PTCD2: variants seen among roughly 807,000 people sequenced by gnomAD.
PTCD2 encodes the protein pentatricopeptide repeat-containing protein 2, mitochondrial.
PTCD2 carries 31 observed loss-of-function variants against 42.6 expected under a neutral mutation model. That is an observed-to-expected ratio of 0.73 (90% CI 0.55 to 0.98). The LOEUF (loss-of-function observed/expected upper bound fraction) is 0.98, where lower values mean the gene tolerates loss of function less well. PTCD2 is among the 50% of genes least tolerant of loss of function. The probability of loss-of-function intolerance (pLI) is 0.00; values close to 1 mark genes in which losing one functional copy is unlikely to be tolerated. For missense variants in PTCD2, 476 were observed against 454.8 expected (o/e 1.05, Z -0.42); for synonymous variants, 183 against 170.9 (o/e 1.07, Z -0.55).
intron 4 of PTCD2, among the ~76,000 whole-genome samples, chr5:72,334,072 T>C (rs893336749): frequency 3.3e-5 from 5 of 152,188 alleles, no homozygotes; most frequent in African/African-American, 1.2e-4. Flanking sequence ...TCTTGCTGTA[T>C]TGCCCAGGCT....
intron 7 of PTCD2, among the ~76,000 whole-genome samples, chr5:72,338,953 A>T (rs376063742): frequency 1.2e-3 from 178 of 152,344 alleles, no homozygotes; most frequent in African/African-American, 4.1e-3. Context: ...ATTTCTAAAT[A>T]GAAGGGTAGA....
intron 3 of PTCD2, 71 bp from the exon 4 acceptor site, chr5:72,331,187 C>G: frequency 1.0e-6 from 1 of 961,906 alleles, no homozygotes; most frequent in Non-Finnish European, 1.7e-6. Flanking sequence ...GGCACAGTAC[C>G]TGCCATAGTC....
chr5:72,320,673 G>C, intron 1 of PTCD2, 164 bp downstream of exon 1: 2 of 904,676 alleles, frequency 2.2e-6, no homozygotes, highest in Non-Finnish European at 3.3e-6. Flanking sequence ...GTGACCACTG[G>C]GGGTCGTGGA....
chr5:72,349,384 G>A lies in PTCD2; in HGVS notation c.829-3257G>A, dbSNP rs73761766. 9.0e-3 allele frequency among the ~76,000 whole-genome samples: 1,376 copies of A among 152,230 alleles called. 33 individuals are homozygous for A. Among genetic ancestry groups the A allele is most frequent in the African/African-American group, 0.032 (1,320 of 41,540 alleles). On this transcript the variant is annotated intron_variant, in intron 8 of 9. Coordinates refer to ENST00000380639, the MANE Select transcript of PTCD2 (RefSeq NM_024754.5). ...TACTGAGAAATGGTCTTTGAGTTTC[G>A]TACATACATGAAAGTGTCTATTAAG...
intron 8 of PTCD2, among the ~76,000 whole-genome samples, chr5:72,346,787 T>G (rs1451903669): frequency 6.6e-6 from 1 of 152,186 alleles, no homozygotes; most frequent in Non-Finnish European, 1.5e-5. Context: ...TCTATCATGA[T>G]GGGACAGAAT....
chr5:72,326,394 C>T (rs543071482), intron 2 of PTCD2, among the ~76,000 whole-genome samples: 1 of 152,304 alleles, frequency 6.6e-6, no homozygotes, highest in African/African-American at 2.4e-5. Context: ...CTTGAGTGGG[C>T]CTGGCCCTGT....
chr5:72,352,880 C>T (rs1434317877), intron 9 of PTCD2, 126 bp downstream of exon 9: 2 of 573,038 alleles, frequency 3.5e-6, no homozygotes, highest in South Asian at 2.5e-5. Context: ...CTCTGTTGTT[C>T]CTGTTTTAAG....
intron 7 of PTCD2, among the ~76,000 whole-genome samples, chr5:72,341,347 T>A (rs1028867412): frequency 6.6e-6 from 1 of 152,142 alleles, no homozygotes; most frequent in Non-Finnish European, 1.5e-5. Flanking sequence ...CCAGTTATTT[T>A]CTTAATTTTG....
At position 72,335,869 on chromosome 5, in the gene PTCD2, C is replaced by T. The variant is rs144354866; in HGVS notation, c.623C>T (p.Ala208Val). 5.0e-6 allele frequency: 8 copies of T among 1,609,094 alleles called. No individual in the cohort carries two copies. Among genetic ancestry groups the T allele is most frequent in the African/African-American group, 4.0e-5 (3 of 74,824 alleles). ...FTKDTYVLAF[A>V]ICYKLNSPES... ...AAAGATACCTATGTTCTTGCTTTTG[C>T]AATTTGCTACAAACTGGTAAGACTC... Residue 208 changes from alanine (A) to valine (V), a missense_variant, in exon 6 of 10, where the codon GCA becomes GTA. Ala to Val is a moderately conservative substitution (Grantham distance 64, BLOSUM62 0). Transcript: ENST00000380639.
At chr5:72,340,974 T>C (rs1752024842) in intron 7 of PTCD2, among the ~76,000 whole-genome samples, 1 of 151,330 alleles carries the variant, frequency 6.6e-6, no homozygotes, top group South Asian at 2.1e-4. Flanking sequence ...TTTCTGTTTT[T>C]TTTTTTTTGA....
rs1010930124 is a variant in PTCD2, at chr5:72,367,970, T to C, written c.*9543T>C. On this transcript the variant is annotated 3_prime_UTR_variant, in exon 10 of 10. Transcript: ENST00000380639. ...ACCCCTTTCATTCCACAGCCTGTGA[T>C]ACACCCTTAGAGTCAAAATATCAAA... is the stretch of plus-strand genomic sequence containing the variant. The C allele has an allele frequency of 1.3e-5, 2 of 152,364 alleles. No individual in the cohort carries two copies. The highest frequency in any genetic ancestry group is 1.9e-4 in the East Asian group (1 of 5,190). The allele number at this position is 152,364 out of a possible 1,614,324, so 9.4% of individuals were successfully genotyped here. A position where few individuals can be genotyped will look rare whatever the true frequency, so the allele number is the denominator to read the frequency against.
chr5:72,322,259 C>G lies in PTCD2; in HGVS notation c.215C>G (p.Thr72Ser). Reference sequence around the variant, plus strand: ...GCTGTTGCATGTAATCTTTCTGGCACTAAAGGTAATAGAATCTATTTTGTT... The same window carrying G: ...GCTGTTGCATGTAATCTTTCTGGCAGTAAAGGTAATAGAATCTATTTTGTT... The part of the protein sequence containing the change: ...KVAVACNLSG[T>S]KETYFRNLKK... Residue 72 changes from threonine (T) to serine (S), a missense_variant, in exon 2 of 10, where the codon ACT (threonine) becomes AGT (serine). Thr to Ser is a moderately conservative substitution (Grantham distance 58). Transcript: ENST00000380639. 6.4e-7 allele frequency: 1 copy of G among 1,560,970 alleles called. No individual in the cohort carries two copies. Among genetic ancestry groups the G allele is most frequent in the Non-Finnish European group, 8.8e-7 (1 of 1,132,558 alleles).
chr5:72,338,786 T>A, intron 7 of PTCD2, 51 bp downstream of exon 7: 2 of 997,740 alleles, frequency 2.0e-6, no homozygotes, highest in Non-Finnish European at 3.1e-6. Context: ...AGGACTTCAT[T>A]ACTTTTATTC....
rs1750742592 is a variant in PTCD2, at chr5:72,320,401, G to C, written c.19G>C (p.Ala7Pro). Reference protein sequence around the residue: MVRDSMAAAFRPSNRVL... With the variant: MVRDSMPAAFRPSNRVL... ...AGTTGGTATGGTCCGAGACAGTATG[G>C]CTGCTGCATTTCGGCCCTCGAATCG... is the stretch of plus-strand genomic sequence containing the variant. The change falls in exon 1 of 10, where the codon GCT becomes CCT. Residue 7 changes from alanine (A) to proline (P), a missense_variant. By Grantham distance (27) the Ala-to-Pro change is conservative. Transcript: ENST00000380639. 6.2e-7 allele frequency: 1 copy of C among 1,614,104 alleles called. No homozygotes were observed. The highest frequency in any genetic ancestry group is 8.5e-7 in the Non-Finnish European group (1 of 1,180,050).
chr5:72,347,151 GTT>G (rs1396604272), intron 8 of PTCD2, among the ~76,000 whole-genome samples: 2 of 152,026 alleles, frequency 1.3e-5, no homozygotes, highest in African/African-American at 4.8e-5. Context: ...CAGAGTCAGG[GTT>G]TTAACACCAA....
chr5:72,334,942 G>C, intron 4 of PTCD2, 76 bp from the exon 5 acceptor site: 1 of 856,968 alleles, frequency 1.2e-6, no homozygotes, highest in Non-Finnish European at 2.0e-6. Flanking sequence ...GACCTGGCTA[G>C]ATAAGAGACA....
intron 2 of PTCD2, among the ~76,000 whole-genome samples, chr5:72,324,653 G>C (rs1751045002): frequency 6.6e-6 from 1 of 152,142 alleles, no homozygotes; most frequent in African/African-American, 2.4e-5. Context: ...AGTTGTAATA[G>C]GTGTCGTAAC....
At chr5:72,338,030 C>G (rs1048730521) in intron 6 of PTCD2, among the ~76,000 whole-genome samples, 1 of 152,192 alleles carries the variant, frequency 6.6e-6, no homozygotes, top group Non-Finnish European at 1.5e-5. Flanking sequence ...CACAGCCAGG[C>G]TGCTGTCATA....
chr5:72,358,403 C>A lies in PTCD2; in HGVS notation c.1143C>A (p.Leu381=). The A allele has an allele frequency of 1.2e-6, 2 of 1,613,538 alleles. No homozygotes were observed. The highest frequency in any genetic ancestry group is 1.7e-6 in the Non-Finnish European group (2 of 1,179,870). ...RMVSRRTFQP[L]SQSLLAE ...TCAGCCGTCGCACCTTCCAGCCACT[C>A]AGCCAGTCCCTGTTGGCTGAGTAAC... Residue 381 remains leucine, a synonymous_variant, in exon 10 of 10, where the codon CTC becomes CTA. Transcript: ENST00000380639.
Sources: gnomAD v4.1 joint callset for allele counts (sites outside exome capture counted in the v4.1 genomes callset) on GRCh38, gnomAD v4.1.1 for gene constraint, MANE v1.5 for transcripts, NCBI Gene and HGNC (gene_info 2026-07-23, HGNC 2026-07-21) for gene names.